NSD1: variants seen among roughly 807,000 people sequenced by gnomAD.
NSD1 encodes histone-lysine N-methyltransferase, H3 lysine-36 specific.
In NSD1, 26 loss-of-function variants were observed where a neutral mutation model predicts 242.7. That is an observed-to-expected ratio of 0.11 (90% CI 0.08 to 0.15). NSD1 has a LOEUF of 0.15. Among genes scored for constraint, NSD1 ranks in the 10% least tolerant of loss-of-function variants. The pLI, the probability that NSD1 is intolerant of heterozygous loss-of-function variation, is 1.00. For synonymous variants in NSD1, 1,106 were observed against 1,178.1 expected (o/e 0.94, Z 1.25); for missense variants, 2,495 against 3,272.8 (o/e 0.76, Z 5.80).
At chr5:177,282,664 C>A (rs904197634) in intron 19 of NSD1, 83 bp downstream of exon 19, 1 of 1,046,950 alleles carries the variant, frequency 9.6e-7, no homozygotes, top group Non-Finnish European at 1.5e-6. Flanking sequence ...AGGCATGTAA[C>A]GCAGTTCCCA....
At chr5:177,207,564 G>C (rs1156891493) in intron 4 of NSD1, among the ~76,000 whole-genome samples, 1 of 144,450 alleles carries the variant, frequency 6.9e-6, no homozygotes, top group African/African-American at 2.7e-5. Context: ...TTGCAGGCGT[G>C]AGCCACCGTG....
intron 2 of NSD1, among the ~76,000 whole-genome samples, chr5:177,165,889 T>G (rs1450371146): frequency 6.6e-6 from 1 of 151,086 alleles, no homozygotes; most frequent in African/African-American, 2.4e-5. Context: ...ATGCGCATGA[T>G]CGCTGCTCCC....
chr5:177,173,991 A>G (rs1291700011), intron 2 of NSD1, among the ~76,000 whole-genome samples: 2 of 152,214 alleles, frequency 1.3e-5, no homozygotes, highest in African/African-American at 4.8e-5. Flanking sequence ...GTTAGTGGGA[A>G]GGATATTTTA....
At chr5:177,225,525 T>C (rs1764569593) in intron 5 of NSD1, among the ~76,000 whole-genome samples, 1 of 152,170 alleles carries the variant, frequency 6.6e-6, no homozygotes, top group Non-Finnish European at 1.5e-5. Context: ...TGCTTTGTTA[T>C]AACCCAATTG....
intron 15 of NSD1, 74 bp downstream of exon 15, chr5:177,267,792 C>T (rs188546240): frequency 9.8e-6 from 14 of 1,423,786 alleles, no homozygotes; most frequent in South Asian, 2.3e-5. Context: ...CAATGCTTAA[C>T]GTATTTCTAA....
chr5:177,148,529 A>T (rs917729590), intron 2 of NSD1, among the ~76,000 whole-genome samples: 1 of 152,008 alleles, frequency 6.6e-6, no homozygotes, highest in African/African-American at 2.4e-5. Context: ...GATTCAAGCG[A>T]TTATCCCGCC....
intron 2 of NSD1, among the ~76,000 whole-genome samples, chr5:177,146,654 T>G (rs913865624): frequency 3.9e-5 from 6 of 152,276 alleles, no homozygotes; most frequent in African/African-American, 1.4e-4. Context: ...GTGTGTATAT[T>G]AAGTTCTTTG....
Position 177,216,207 on chromosome 5 carries a change from A to G in NSD1, c.3796+4012A>G, listed in dbSNP as rs1485142417. 2.6e-5 allele frequency among the ~76,000 whole-genome samples: 4 copies of G among 152,216 alleles called. No individual in the cohort carries two copies. The East Asian group carries it at 5.8e-4, about 22-fold the overall frequency. ...TTGTTATTTTTAAAAAATGAGGTAT[A>G]AGAGTTATTCATATATCCTGGATAT... On this transcript the variant is annotated intron_variant, in intron 5 of 22. Transcript: ENST00000439151.
chr5:177,281,163 A>G (rs1758843201), intron 18 of NSD1, among the ~76,000 whole-genome samples: 1 of 152,228 alleles, frequency 6.6e-6, no homozygotes, highest in South Asian at 2.1e-4. Context: ...ATACAGAGAC[A>G]TTGATCCACC....
In NSD1 at chr5:177,136,000, A is replaced by G. The variant is rs776698696; in HGVS notation, c.897A>G (p.Ser299=). The change falls in exon 2 of 23, where the codon TCA becomes TCG. Residue 299 remains serine, a synonymous_variant. Transcript: ENST00000439151. The part of the protein sequence containing the change: ...LGNMLELPGT[S]SSSTSQELPF... ...ACATGCTAGAATTACCTGGAACTTC[A>G]TCATCATCTACTTCACAGGAATTGC... 2 of 1,614,108 alleles carry G rather than the reference A, an allele frequency of 1.2e-6. No homozygotes were observed. Among genetic ancestry groups the G allele is most frequent in the South Asian group, 1.1e-5 (1 of 91,068 alleles).
chr5:177,290,819 G>A (rs903233358), intron 21 of NSD1, among the ~76,000 whole-genome samples: 3 of 152,116 alleles, frequency 2.0e-5, no homozygotes, highest in African/African-American at 7.2e-5. Flanking sequence ...TTGGTTTAAC[G>A]GTGTTGTTCC....
chr5:177,252,523 G>A (rs1581445222), intron 12 of NSD1, among the ~76,000 whole-genome samples: 4 of 145,430 alleles, frequency 2.8e-5, no homozygotes, highest in East Asian at 3.9e-4. Context: ...ATAAAGCTGC[G>A]CTAAAGTAAA....
chr5:177,204,165 G>A lies in NSD1; in HGVS notation c.1109G>A (p.Gly370Glu). 1 of 1,614,120 alleles carries A rather than the reference G, an allele frequency of 6.2e-7. No homozygotes were observed. Reference protein sequence around the residue: ...PYRQYYVEAFGDPSERAWVAG... With the variant: ...PYRQYYVEAFEDPSERAWVAG... Reference sequence around the variant, plus strand: ...CGGCAGTACTACGTGGAGGCTTTTGGAGATCCTTCTGAGAGAGCCTGGGTG... The same window carrying A: ...CGGCAGTACTACGTGGAGGCTTTTGAAGATCCTTCTGAGAGAGCCTGGGTG... Residue 370 changes from glycine (G) to glutamate (E), a missense_variant, in exon 4 of 23, where the codon GGA (glycine) becomes GAA (glutamate). Gly to Glu is a moderately conservative substitution (Grantham distance 98). Coordinates refer to ENST00000439151, the MANE Select transcript of NSD1 (RefSeq NM_022455.5).
chr5:177,189,506 T>C (rs978983634), intron 2 of NSD1, among the ~76,000 whole-genome samples: 11 of 152,176 alleles, frequency 7.2e-5, no homozygotes, highest in Non-Finnish European at 1.6e-4. Context: ...ATAAAGCATA[T>C]AATAATAATG....
chr5:177,265,870 T>C, intron 14 of NSD1: 1 of 1,473,778 alleles, frequency 6.8e-7, no homozygotes, highest in Admixed American at 1.7e-5. Flanking sequence ...TCTGCTTCAC[T>C]TGCAGGCAGA....
In NSD1 at chr5:177,295,608, AACTCTTGT is replaced by A; in HGVS notation, c.*150_*157del. 1 of 869,848 alleles carries A rather than the reference AACTCTTGT, an allele frequency of 1.1e-6. No individual in the cohort carries two copies. Among genetic ancestry groups the A allele is most frequent in the Non-Finnish European group, 1.9e-6 (1 of 538,454 alleles). 53.9% of individuals were successfully genotyped at this position (869,848 alleles called of 1,614,324 possible). On this transcript the variant is annotated 3_prime_UTR_variant, in exon 23 of 23. Coordinates refer to ENST00000439151, the MANE Select transcript of NSD1 (RefSeq NM_022455.5). This position sits in a 1 kb window ranked among gnomAD's most constrained non-coding sequence, Gnocchi z 4.3. ...TCTTTCCTCATATCCCAACACTCAG[AACTCTTGT>A]GACATTAGCCAGTGGGGGCTTATGG...
At chr5:177,150,762 TG>T (rs1163734134) in intron 2 of NSD1, among the ~76,000 whole-genome samples, 1 of 152,210 alleles carries the variant, frequency 6.6e-6, no homozygotes, top group Non-Finnish European at 1.5e-5. Flanking sequence ...TTGTAAATTA[TG>T]AGGCTATATT....
rs1213823452 is a variant in NSD1, at chr5:177,298,346, CA to C, written c.*2888del. The C allele has an allele frequency of 4.3e-6, 1 of 233,182 alleles. No homozygotes were observed. The highest frequency in any genetic ancestry group is 6.0e-5 in the East Asian group (1 of 16,578). The allele number at this position is 233,182 out of a possible 1,614,324, so 14.4% of individuals were successfully genotyped here. Reference sequence around the variant, plus strand: ...AGCCAGCTCCCCAGGAGGCCTTTTCCAGGGACAAGGCAAAAGTTGAAATTCT... The same window carrying C: ...AGCCAGCTCCCCAGGAGGCCTTTTCCGGGACAAGGCAAAAGTTGAAATTCT... On this transcript the variant is annotated 3_prime_UTR_variant, in exon 23 of 23. Transcript: ENST00000439151.
intron 3 of NSD1, among the ~76,000 whole-genome samples, chr5:177,194,173 T>C (rs1477606193): frequency 6.6e-6 from 1 of 152,170 alleles, no homozygotes; most frequent in African/African-American, 2.4e-5. Flanking sequence ...CTTCCACGTC[T>C]TTCCTTTATC....
Sources: gnomAD v4.1 joint callset for allele counts (sites outside exome capture counted in the v4.1 genomes callset) on GRCh38, gnomAD v4.1.1 for gene constraint, Gnocchi (gnomAD v3.1) non-coding constraint, MANE v1.5 for transcripts, NCBI Gene and HGNC (gene_info 2026-07-23, HGNC 2026-07-21) for gene names.